Variants in RCVRN observed in about 807,000 individuals in gnomAD.
RCVRN encodes the protein cancer associated retinopathy antigen.
A neutral mutation model predicts 20.4 loss-of-function variants in RCVRN; 23 were observed. That is an observed-to-expected ratio of 1.13 (90% CI 0.81 to 1.60). RCVRN has a LOEUF of 1.60. RCVRN is among the 40% of genes most tolerant of loss of function. The probability of loss-of-function intolerance (pLI) is 0.00; values close to 1 mark genes in which losing one functional copy is unlikely to be tolerated. For synonymous variants in RCVRN, 105 were observed against 105.9 expected (o/e 0.99, Z 0.05); for missense variants, 254 against 254.2 (o/e 1.00, Z 0.00).
At position 9,904,523 on chromosome 17, in the gene RCVRN, A is replaced by G. The variant is rs2067354742; in HGVS notation, c.381+277T>C. Reference sequence around the variant, plus strand: ...CAATCTTATGGGACCACAGTGGTCTATATCGTCCGTTGTTGACCCAAACAT... The same window carrying G: ...CAATCTTATGGGACCACAGTGGTCTGTATCGTCCGTTGTTGACCCAAACAT... On this transcript the variant is annotated intron_variant, in intron 1 of 2. Transcript: ENST00000226193. This position sits in a 1 kb window ranked among gnomAD's most constrained non-coding sequence, Gnocchi z 5.8. Among the ~76,000 whole-genome samples, 1 of 152,236 alleles carries G rather than the reference A, an allele frequency of 6.6e-6. No homozygotes were observed. Among genetic ancestry groups the G allele is most frequent in the South Asian group, 2.1e-4 (1 of 4,836 alleles).
intron 1 of RCVRN, among the ~76,000 whole-genome samples, chr17:9,902,566 A>AT (rs2067346127): frequency 2.0e-5 from 3 of 150,322 alleles, no homozygotes; most frequent in East Asian, 2.2e-4. Flanking sequence ...AAAAGAATAA[A>AT]TTAAAAAAAA....
chr17:9,897,761 G>T lies in RCVRN; in HGVS notation c.*334C>A, dbSNP rs2067323839. The T allele has an allele frequency of 4.5e-6, 1 of 221,714 alleles. No individual in the cohort carries two copies. The highest frequency in any genetic ancestry group is 8.9e-6 in the Non-Finnish European group (1 of 112,450). 13.7% of individuals were successfully genotyped at this position (221,714 alleles called of 1,614,324 possible). On this transcript the variant is annotated 3_prime_UTR_variant, in exon 3 of 3. Transcript: ENST00000226193. The stretch of plus-strand genomic sequence containing the variant: ...ACTGCTTACCCAGCACTCCACAAAG[G>T]AGCTTACAGCGGGGTGACACTTAGG...
Position 9,901,101 on chromosome 17 carries a change from C to T in RCVRN, c.382-1G>A, listed in dbSNP as rs1383206107. On this transcript the variant is annotated splice_acceptor_variant, in intron 1 of 2. Transcript: ENST00000226193. LOFTEE classifies it high-confidence loss of function. ...CGGGAGTGATCATTTTGAAAATAGC[C>T]TGTACCAAACAGAAAGAAAGAACTC... 2 of 1,550,468 alleles carry T rather than the reference C, an allele frequency of 1.3e-6. No homozygotes were observed. Among genetic ancestry groups the T allele is most frequent in the South Asian group, 2.3e-5 (2 of 85,710 alleles).
At chr17:9,901,992 C>T (rs73259138) in intron 1 of RCVRN, among the ~76,000 whole-genome samples, 21,725 of 151,752 alleles carry the variant, frequency 0.14, 1,981 homozygotes, top group African/African-American at 0.26. Flanking sequence ...GATGGAGTCT[C>T]CCTCCCTCCC....
chr17:9,903,878 C>T (rs112698304), intron 1 of RCVRN, among the ~76,000 whole-genome samples: 88 of 152,202 alleles, frequency 5.8e-4, no homozygotes, highest in African/African-American at 2.0e-3. Context: ...AGTTGTCACA[C>T]GATGGTAAGT....
At chr17:9,900,617 C>T (rs189834542) in intron 2 of RCVRN, among the ~76,000 whole-genome samples, 1 of 152,098 alleles carries the variant, frequency 6.6e-6, no homozygotes, top group African/African-American at 2.4e-5. Flanking sequence ...GCCTTTCCTC[C>T]CATAAATCTC....
At position 9,904,666 on chromosome 17, in the gene RCVRN, C is replaced by T. The variant is rs750356202; in HGVS notation, c.381+134G>A. 12 of 1,003,784 alleles carry T rather than the reference C, an allele frequency of 1.2e-5. No homozygotes were observed. The highest frequency in any genetic ancestry group is 3.3e-4 in the Middle Eastern group (1 of 3,032). 62.2% of individuals were successfully genotyped at this position (1,003,784 alleles called of 1,614,324 possible). A position where few individuals can be genotyped will look rare whatever the true frequency, so the allele number is the denominator to read the frequency against. On this transcript the variant is annotated intron_variant, in intron 1 of 2. Transcript: ENST00000226193. The surrounding 1 kb of genome is among the most constrained non-coding windows in gnomAD (Gnocchi z 5.8). ...TCAATATCAGCATCTCGGAGCACCA[C>T]GCTCTCAGAGCCAGTGGCCCGCATC...
chr17:9,898,546 T>C (rs1206204466), intron 2 of RCVRN, among the ~76,000 whole-genome samples: 5 of 152,206 alleles, frequency 3.3e-5, no homozygotes, highest in African/African-American at 9.6e-5. Context: ...TTAATAACTA[T>C]TAATTGTTAT....
intron 2 of RCVRN, 134 bp downstream of exon 2, chr17:9,900,855 T>G (rs2067338358): frequency 1.7e-6 from 1 of 595,458 alleles, no homozygotes; most frequent in East Asian, 2.8e-5. Flanking sequence ...CAAACAGCTC[T>G]GAAAATGCAC....
Position 9,901,053 on chromosome 17 carries a change from G to C in RCVRN, c.429C>G (p.Asp143Glu). The C allele has an allele frequency of 6.2e-7, 1 of 1,609,492 alleles. No homozygotes were observed. The highest frequency in any genetic ancestry group is 1.3e-5 in the African/African-American group (1 of 74,918). The stretch of plus-strand genomic sequence containing the variant: ...CTCGCTTTTCCGGCGTGTTTTCATC[G>C]TCTGGAAGGAGCTTCACGTCCTCGG... The part of the protein sequence containing the change: ...ITPEDVKLLP[D>E]DENTPEKRAE... Residue 143 changes from aspartate (D) to glutamate (E), a missense_variant, in exon 2 of 3, where the codon GAC becomes GAG. Physicochemically the swap from Asp to Glu is conservative, Grantham distance 45. Coordinates refer to ENST00000226193, the MANE Select transcript of RCVRN (RefSeq NM_002903.3).
At chr17:9,901,259 G>T (rs1207943147) in intron 1 of RCVRN, 159 bp from the exon 2 acceptor site, 2 of 443,032 alleles carry the variant, frequency 4.5e-6, no homozygotes, top group Non-Finnish European at 8.1e-6. Flanking sequence ...GGAAAACGTA[G>T]GGGAAAAGCT....
chr17:9,900,339 C>G (rs2067335857), intron 2 of RCVRN, among the ~76,000 whole-genome samples: 1 of 152,188 alleles, frequency 6.6e-6, no homozygotes, highest in Non-Finnish European at 1.5e-5. Context: ...GATCACACTT[C>G]CTGGGGGCTG....
Position 9,905,198 on chromosome 17 carries a change from C to A in RCVRN, c.-18G>T, listed in dbSNP as rs780903410. On this transcript the variant is annotated 5_prime_UTR_variant, in exon 1 of 3. Transcript: ENST00000226193. ...TTCCCCATGAGTGAGGAAGAGTGGG[C>A]AGCGGCTGGGGAGTCGCTGGGTGGG... 6.3e-7 allele frequency: 1 copy of A among 1,590,292 alleles called. No homozygotes were observed. Among genetic ancestry groups the A allele is most frequent in the South Asian group, 1.1e-5 (1 of 87,590 alleles).
At chr17:9,903,578 A>G (rs762242948) in intron 1 of RCVRN, among the ~76,000 whole-genome samples, 2 of 152,266 alleles carry the variant, frequency 1.3e-5, no homozygotes, top group African/African-American at 4.8e-5. Context: ...ATGAACAGTG[A>G]TTCAACTTGA....
intron 2 of RCVRN, among the ~76,000 whole-genome samples, chr17:9,898,831 C>T (rs1384303643): frequency 1.3e-5 from 2 of 152,214 alleles, no homozygotes; most frequent in Middle Eastern, 3.2e-3. Context: ...TCCTATGCAT[C>T]CATCCCTGCG....
intron 1 of RCVRN, among the ~76,000 whole-genome samples, chr17:9,903,018 T>C (rs905592476): frequency 1.2e-4 from 19 of 152,094 alleles, no homozygotes; most frequent in African/African-American, 3.9e-4. Flanking sequence ...TTTGGAAGAA[T>C]ATGTAATGAT....
rs764559357 is a variant in RCVRN, at chr17:9,900,989, C to T, written c.493G>A (p.Asp165Asn). 1.3e-6 allele frequency: 2 copies of T among 1,568,682 alleles called. No homozygotes were observed. Among genetic ancestry groups the T allele is most frequent in the Non-Finnish European group, 1.7e-6 (2 of 1,144,400 alleles). ...IWKYFGKNDDDKLTEKEFIEG... is the reference protein window; with the variant it reads ...IWKYFGKNDDNKLTEKEFIEG... ...AGGCAATGAAGGAAAAGGAATTCAC[C>T]ATCATCATTCTTTCCAAAGTACTTC... The change falls in exon 2 of 3, where the codon GAT becomes AAT. Residue 165 changes from aspartate to asparagine, a missense_variant and splice_region_variant. Physicochemically the swap from Asp to Asn is conservative, Grantham distance 23. Coordinates refer to ENST00000226193, the MANE Select transcript of RCVRN (RefSeq NM_002903.3).
intron 2 of RCVRN, 26 bp from the exon 3 acceptor site, chr17:9,898,230 G>T: frequency 7.1e-7 from 1 of 1,418,256 alleles, no homozygotes; most frequent in Non-Finnish European, 1.0e-6. Context: ...AAATATATAC[G>T]TACATAAAAC....
At position 9,897,716 on chromosome 17, in the gene RCVRN, T is replaced by C. The variant is rs962940027; in HGVS notation, c.*379A>G. 1.7e-5 allele frequency: 3 copies of C among 177,906 alleles called. No individual in the cohort carries two copies. Among genetic ancestry groups the C allele is most frequent in the African/African-American group, 7.1e-5 (3 of 42,338 alleles). The allele number at this position is 177,906 out of a possible 1,614,324, so 11.0% of individuals were successfully genotyped here. On this transcript the variant is annotated 3_prime_UTR_variant, in exon 3 of 3. Coordinates refer to ENST00000226193, the MANE Select transcript of RCVRN (RefSeq NM_002903.3). ...GATGACCAGCAGCCACGTGCCCAGC[T>C]CAGCTTGCGTTTATTGGAAACTGCT...
Sources: gnomAD v4.1 joint callset for allele counts (sites outside exome capture counted in the v4.1 genomes callset) on GRCh38, gnomAD v4.1.1 for gene constraint, Gnocchi (gnomAD v3.1) non-coding constraint, MANE v1.5 for transcripts, NCBI Gene and HGNC (gene_info 2026-07-23, HGNC 2026-07-21) for gene names.